SLC25A23: variants seen among roughly 807,000 people sequenced by gnomAD.
SLC25A23 encodes solute carrier family 25 member 23.
SLC25A23 carries 32 observed loss-of-function variants against 53.9 expected under a neutral mutation model. That is an observed-to-expected ratio of 0.59 (90% CI 0.45 to 0.80). SLC25A23 has a LOEUF of 0.80. Among genes scored for constraint, SLC25A23 ranks in the 30% least tolerant of loss-of-function variants. The pLI is 0.00. For synonymous variants in SLC25A23, 275 were observed against 264.5 expected (o/e 1.04, Z -0.38); for missense variants, 575 against 651.4 (o/e 0.88, Z 1.28).
chr19:6,437,851 C>A, downstream of SLC25A23, among the ~76,000 whole-genome samples: 1 of 148,380 alleles, frequency 6.7e-6, no homozygotes, highest in South Asian at 2.1e-4. Flanking sequence ...TGCCTATAAT[C>A]CCAGCACTTT....
intron 2 of SLC25A23, 34 bp from the exon 3 acceptor site, chr19:6,457,624 C>A (rs372772501): frequency 1.3e-6 from 2 of 1,581,602 alleles, no homozygotes; most frequent in Non-Finnish European, 1.7e-6. Context: ...GAAGGATGTG[C>A]GTGTGAGGAC....
chr19:6,448,713 C>T (rs953058177), intron 8 of SLC25A23, among the ~76,000 whole-genome samples: 1 of 151,698 alleles, frequency 6.6e-6, no homozygotes, highest in Non-Finnish European at 1.5e-5. Flanking sequence ...TTGTGATCCA[C>T]CCCCCTCAGC....
intron 8 of SLC25A23, among the ~76,000 whole-genome samples, chr19:6,451,033 G>A (rs554043956): frequency 2.6e-5 from 4 of 151,008 alleles, no homozygotes; most frequent in South Asian, 2.1e-4. Flanking sequence ...GGCCGAGATC[G>A]CGCCACTGCA....
At chr19:6,452,525 G>A (rs769628775) in intron 7 of SLC25A23, 46 bp from the exon 8 acceptor site, 132 of 1,566,820 alleles carry the variant, frequency 8.4e-5, no homozygotes, top group Non-Finnish European at 1.0e-4. Flanking sequence ...CCACCAAATC[G>A]CTACATCCAG....
Position 6,444,277 on chromosome 19 carries a change from G to C in SLC25A23, c.1096C>G (p.Gln366Glu), listed in dbSNP as rs1419071114. The C allele has an allele frequency of 6.2e-7, 1 of 1,607,904 alleles. No homozygotes were observed. Among genetic ancestry groups the C allele is most frequent in the Non-Finnish European group, 8.5e-7 (1 of 1,177,818 alleles). ...GGGTCTGCCGAGTCGTGGCTGTACT[G>C]CTGAAGCCACCAGTTCTTCAGAGTC... ...YETLKNWWLQ[Q>E]YSHDSADPGI... Residue 366 changes from glutamine to glutamate, a missense_variant, in exon 9 of 10, where the codon CAG (glutamine) becomes GAG (glutamate). Physicochemically the swap from Gln to Glu is conservative, Grantham distance 29 (BLOSUM62 2). Transcript: ENST00000301454.
chr19:6,449,199 G>A (rs1464380531), intron 8 of SLC25A23, among the ~76,000 whole-genome samples: 1 of 151,690 alleles, frequency 6.6e-6, no homozygotes, highest in East Asian at 1.9e-4. Flanking sequence ...GTCCCTTTTT[G>A]GGTAAAGAAT....
In SLC25A23 at chr19:6,441,656, A is replaced by C; in HGVS notation, c.*319T>G. ...GGGGATTAAGGGCTGGGGTGTGGAT[A>C]ATCTTGAATCTTGTGGTTAGGGTAG... On this transcript the variant is annotated 3_prime_UTR_variant, in exon 10 of 10. Transcript: ENST00000301454. The C allele has an allele frequency of 2.7e-6, 1 of 368,100 alleles. No homozygotes were observed. The highest frequency in any genetic ancestry group is 5.1e-6 in the Non-Finnish European group (1 of 195,708). 22.8% of individuals were successfully genotyped at this position (368,100 alleles called of 1,614,324 possible). A position where few individuals can be genotyped will look rare whatever the true frequency, so the allele number is the denominator to read the frequency against.
chr19:6,455,799 G>C (rs1257737344), intron 4 of SLC25A23, among the ~76,000 whole-genome samples: 1 of 146,676 alleles, frequency 6.8e-6, no homozygotes, highest in African/African-American at 2.5e-5. Flanking sequence ...CTCACTGCAA[G>C]CTCCCGCCTC....
Position 6,444,223 on chromosome 19 carries a change from T to C in SLC25A23, c.1150A>G (p.Thr384Ala), listed in dbSNP as rs1291421617. The C allele has an allele frequency of 6.2e-7, 1 of 1,604,058 alleles. No individual in the cohort carries two copies. The highest frequency in any genetic ancestry group is 1.1e-5 in the South Asian group (1 of 88,754). Residue 384 changes from threonine (T) to alanine (A), a missense_variant, in exon 9 of 10, where the codon ACC (threonine) becomes GCC (alanine). By Grantham distance (58) the Thr-to-Ala change is moderately conservative. Coordinates refer to ENST00000301454, the MANE Select transcript of SLC25A23 (RefSeq NM_024103.3). The stretch of plus-strand genomic sequence containing the variant: ...ATCTGGCCGCAGGTGCTGGATATGG[T>C]ACCGCAGGCCAGGAGCACGAGGATG... Reference protein sequence around the residue: ...PGILVLLACGTISSTCGQIAS... With the variant: ...PGILVLLACGAISSTCGQIAS...
intron 9 of SLC25A23, among the ~76,000 whole-genome samples, chr19:6,442,539 C>T (rs1310807668): frequency 6.6e-6 from 1 of 152,116 alleles, no homozygotes; most frequent in Admixed American, 6.6e-5. Flanking sequence ...CAGGCTCCTC[C>T]CTGCCCTCCA....
rs1193803947 is a variant in SLC25A23 at position 6,440,628 on chromosome 19, G to C, written c.*1347C>G. The C allele has an allele frequency of 6.6e-6, 1 of 151,898 alleles. No individual in the cohort carries two copies. The highest frequency in any genetic ancestry group is 6.6e-5 in the Admixed American group (1 of 15,196). 9.4% of individuals were successfully genotyped at this position (151,898 alleles called of 1,614,324 possible). On this transcript the variant is annotated 3_prime_UTR_variant, in exon 10 of 10. Transcript: ENST00000301454. ...GATGCTGTGAAGTGTGGGGATGCAG[G>C]GAGTGGAGTGGTTCCAGGGAACAGT...
downstream of SLC25A23, among the ~76,000 whole-genome samples, chr19:6,439,426 C>CACACAG (rs2092384824): frequency 2.6e-5 from 4 of 150,988 alleles, no homozygotes; most frequent in African/African-American, 9.9e-5. Flanking sequence ...CACACACACA[C>CACACAG]ACACACACAG....
In SLC25A23 at chr19:6,441,890, G is replaced by C. The variant is rs916739324; in HGVS notation, c.*85C>G. 28 of 1,348,968 alleles carry C rather than the reference G, an allele frequency of 2.1e-5. 1 individual carries two copies. In the Middle Eastern group the frequency reaches 7.2e-4, roughly 35 times the overall value. 83.6% of individuals were successfully genotyped at this position (1,348,968 alleles called of 1,614,324 possible). Reference sequence around the variant, plus strand: ...TGGGTACTGGGATCTCGTGGCCAAAGAGTAGGGATCCTGTGGTTGGATCAT... The same window carrying C: ...TGGGTACTGGGATCTCGTGGCCAAACAGTAGGGATCCTGTGGTTGGATCAT... On this transcript the variant is annotated 3_prime_UTR_variant, in exon 10 of 10. Coordinates refer to ENST00000301454, the MANE Select transcript of SLC25A23 (RefSeq NM_024103.3).
downstream of SLC25A23, chr19:6,436,185 A>G (rs1141220): frequency 0.51 from 135,749 of 264,246 alleles, 36,625 homozygotes; most frequent in East Asian, 0.7. Context: ...TCTCACCCAT[A>G]TTCTGAGCAT....
chr19:6,446,021 G>A (rs1184366329), intron 8 of SLC25A23, among the ~76,000 whole-genome samples: 1 of 152,062 alleles, frequency 6.6e-6, no homozygotes, highest in Non-Finnish European at 1.5e-5. Context: ...AGGCTGTAGT[G>A]AGCCGTGATG....
Position 6,459,597 on chromosome 19 carries a change from C to A in SLC25A23, c.32G>T (p.Arg11Leu). 1 of 1,533,950 alleles carries A rather than the reference C, an allele frequency of 6.5e-7. No homozygotes were observed. The highest frequency in any genetic ancestry group is 1.4e-5 in the African/African-American group (1 of 70,500). MRGSPGDAERRQRWGRLFEEL... is the reference protein window; with the variant it reads MRGSPGDAERLQRWGRLFEEL... ...CTCGAACAGGCGACCCCAGCGCTGC[C>A]GCCGCTCCGCGTCGCCCGGGCTCCC... The change falls in exon 1 of 10, where the codon CGG becomes CTG. Residue 11 changes from arginine to leucine, a missense_variant. Transcript: ENST00000301454. This position sits in a 1 kb window ranked among gnomAD's most constrained non-coding sequence, Gnocchi z 4.6.
intron 4 of SLC25A23, 49 bp downstream of exon 4, chr19:6,456,370 CT>C: frequency 6.4e-7 from 1 of 1,569,124 alleles, no homozygotes; most frequent in Non-Finnish European, 8.8e-7. Flanking sequence ...CAAGGCCCCC[CT>C]GGGGAAGAGG....
At chr19:6,437,806 C>T (rs1442572131), downstream of SLC25A23, among the ~76,000 whole-genome samples, 24 of 138,746 alleles carry the variant, frequency 1.7e-4, no homozygotes, top group Non-Finnish European at 3.2e-4. Flanking sequence ...AAGACTCCAT[C>T]TCAGAAAAAA....
chr19:6,450,889 G>A (rs1394333005), intron 8 of SLC25A23, among the ~76,000 whole-genome samples: 1 of 152,068 alleles, frequency 6.6e-6, no homozygotes, highest in African/African-American at 2.4e-5. Flanking sequence ...AGACCAGCCT[G>A]GGCAACATGG....
Sources: allele counts gnomAD v4.1 joint callset (sites outside exome capture counted in the v4.1 genomes callset), GRCh38; gene constraint gnomAD v4.1.1; non-coding constraint Gnocchi (gnomAD v3.1); transcripts MANE v1.5; gene names NCBI Gene and HGNC (gene_info 2026-07-23, HGNC 2026-07-21).